The following EVC2 variants were observed in gnomAD, a reference collection of about 807,000 sequenced individuals.
EVC2 encodes limbin.
In EVC2, 148 loss-of-function variants were observed where a neutral mutation model predicts 149.3. The ratio of observed to expected loss-of-function variants is 0.99; its 90% confidence interval spans 0.87 to 1.14. The LOEUF (loss-of-function observed/expected upper bound fraction) is 1.14, where lower values mean the gene tolerates loss of function less well. Ranked by LOEUF, EVC2 falls within the 50% of genes most tolerant of loss-of-function variation. EVC2 has a pLI of 0.00. For missense variants in EVC2, 1,854 were observed against 1,627.3 expected, an observed-to-expected ratio of 1.14 and a Z score of -2.40; for synonymous variants, 776 against 649.9, an observed-to-expected ratio of 1.19 and a Z score of -2.95.
chr4:5,555,732 T>C (rs1162031450), intron 21 of EVC2, among the ~76,000 whole-genome samples: 2 of 152,144 alleles, frequency 1.3e-5, no homozygotes, highest in African/African-American at 4.8e-5. Flanking sequence ...AATTCATAGA[T>C]CAAGCAGGCA....
intron 7 of EVC2, among the ~76,000 whole-genome samples, chr4:5,667,523 A>T (rs1402853931): frequency 6.6e-6 from 1 of 152,134 alleles, no homozygotes; most frequent in Non-Finnish European, 1.5e-5. Flanking sequence ...GGGGTCACTG[A>T]TTGTACCAAG....
intron 18 of EVC2, among the ~76,000 whole-genome samples, chr4:5,575,391 A>T (rs773242776): frequency 6.6e-6 from 1 of 152,216 alleles, no homozygotes; most frequent in Non-Finnish European, 1.5e-5. Flanking sequence ...GGCTAAATCA[A>T]GCCAATGCCT....
chr4:5,591,954 A>C (rs966336193), intron 16 of EVC2, among the ~76,000 whole-genome samples: 1 of 152,222 alleles, frequency 6.6e-6, no homozygotes, highest in Non-Finnish European at 1.5e-5. Flanking sequence ...TTCAAACAAA[A>C]AGTTTTTTCT....
chr4:5,622,718 G>T lies in EVC2; in HGVS notation c.2320C>A (p.Gln774Lys). The T allele has an allele frequency of 6.2e-7, 1 of 1,614,030 alleles. No individual in the cohort carries two copies. ...LKRGVPWLFL[Q>K]QILEEHGKEM... is the part of the protein sequence containing the mutation. ...TTGCCGTGCTCCTCCAGGATCTGCT[G>T]CAGGAAGAGCCAGGGCACCCCACGC... Residue 774 changes from glutamine (Q) to lysine (K), a missense_variant, in exon 14 of 22, where the codon CAG (glutamine) becomes AAG (lysine). Transcript: ENST00000344408. The surrounding 1 kb of genome is among the most constrained non-coding windows in gnomAD (Gnocchi z 5.8).
At chr4:5,703,823 G>A (rs73067766) in intron 1 of EVC2, among the ~76,000 whole-genome samples, 4,130 of 152,214 alleles carry the variant, frequency 0.027, 150 homozygotes, top group African/African-American at 0.092. Flanking sequence ...GAACAGTGGA[G>A]CAAAATAAAG....
At chr4:5,690,205 A>G (rs552201587) in intron 4 of EVC2, among the ~76,000 whole-genome samples, 6 of 152,254 alleles carry the variant, frequency 3.9e-5, no homozygotes, top group Admixed American at 3.9e-4. Flanking sequence ...AACTACTAAC[A>G]CTGATTGCAT....
chr4:5,690,393 G>C (rs548300266), intron 4 of EVC2, among the ~76,000 whole-genome samples: 1 of 149,716 alleles, frequency 6.7e-6, no homozygotes. Context: ...CCTGATTACA[G>C]TGTGGGTTGT....
downstream of EVC2, among the ~76,000 whole-genome samples, chr4:5,539,361 A>G (rs1038957874): frequency 6.6e-6 from 1 of 152,180 alleles, no homozygotes; most frequent in African/African-American, 2.4e-5. Flanking sequence ...AATTCTCCCT[A>G]AACTGATCTA....
intron 16 of EVC2, among the ~76,000 whole-genome samples, chr4:5,585,641 C>T (rs1712215169): frequency 6.6e-6 from 1 of 152,110 alleles, no homozygotes; most frequent in Non-Finnish European, 1.5e-5. Context: ...CACATATTTA[C>T]AGTACACAAT....
At chr4:5,647,080 A>T (rs537656177) in intron 9 of EVC2, among the ~76,000 whole-genome samples, 1 of 152,132 alleles carries the variant, frequency 6.6e-6, no homozygotes, top group African/African-American at 2.4e-5. Context: ...TATGGATTGC[A>T]TCTCCCTGCA....
chr4:5,585,405 A>C (rs1712185443), intron 16 of EVC2, among the ~76,000 whole-genome samples: 1 of 152,134 alleles, frequency 6.6e-6, no homozygotes, highest in Non-Finnish European at 1.5e-5. Context: ...TTTTGGGTCT[A>C]TAGTTTCCAC....
At chr4:5,564,806 T>A (rs190509318) in intron 21 of EVC2, among the ~76,000 whole-genome samples, 1 of 152,264 alleles carries the variant, frequency 6.6e-6, no homozygotes, top group African/African-American at 2.4e-5. Flanking sequence ...CCTGGAAGTT[T>A]AAGAAAATAA....
intron 7 of EVC2, among the ~76,000 whole-genome samples, chr4:5,671,567 A>T (rs947751983): frequency 2.6e-5 from 4 of 152,164 alleles, no homozygotes; most frequent in African/African-American, 4.8e-5. Flanking sequence ...GCTGGAGTGC[A>T]ATGGCACAAT....
intron 1 of EVC2, among the ~76,000 whole-genome samples, chr4:5,699,227 G>A (rs147283353): frequency 2.0e-5 from 3 of 152,202 alleles, no homozygotes; most frequent in East Asian, 3.9e-4. Flanking sequence ...GGTGCAGCTC[G>A]ATCCAGACAG....
At chr4:5,667,174 T>A (rs1420099352) in intron 7 of EVC2, among the ~76,000 whole-genome samples, 1 of 152,094 alleles carries the variant, frequency 6.6e-6, no homozygotes, top group Non-Finnish European at 1.5e-5. Flanking sequence ...CACAGTATAA[T>A]CTCCATTTCA....
chr4:5,537,073 C>G, the EVC2 span, among the ~76,000 whole-genome samples: 1 of 152,158 alleles, frequency 6.6e-6, no homozygotes, highest in Non-Finnish European at 1.5e-5. Flanking sequence ...CAATAGTTTT[C>G]AAGGTGTTGG....
chr4:5,642,289 C>G (rs780471821), intron 9 of EVC2, among the ~76,000 whole-genome samples: 9 of 152,126 alleles, frequency 5.9e-5, no homozygotes, highest in African/African-American at 2.2e-4. Flanking sequence ...GACATTTTGT[C>G]ATATTTTCTT....
chr4:5,543,058 A>T (rs1418308419), exon 22 of EVC2: 1 of 1,037,486 alleles, frequency 9.6e-7, no homozygotes, highest in African/African-American at 1.6e-5. Flanking sequence ...TTACGCAAAC[A>T]GAGGCTCCAA....
chr4:5,642,993 C>T (rs1030771413), intron 9 of EVC2, among the ~76,000 whole-genome samples: 2 of 152,178 alleles, frequency 1.3e-5, no homozygotes, highest in Admixed American at 6.5e-5. Context: ...AGGAGTCATA[C>T]GCAGACAGAC....
Sources: allele counts gnomAD v4.1 joint callset (sites outside exome capture counted in the v4.1 genomes callset), GRCh38; gene constraint gnomAD v4.1.1; non-coding constraint Gnocchi (gnomAD v3.1); transcripts MANE v1.5; gene names NCBI Gene and HGNC (gene_info 2026-07-23, HGNC 2026-07-21).